Variants in MTUS2 observed in about 807,000 individuals in gnomAD.
MTUS2 encodes microtubule-associated tumor suppressor candidate 2.
Under a neutral mutation model 114.1 loss-of-function variants are expected in MTUS2, and 40 were observed. The ratio of observed to expected loss-of-function variants is 0.35; its 90% CI spans 0.27 to 0.46. The LOEUF (loss-of-function observed/expected upper bound fraction) is 0.46. Ranked by LOEUF, MTUS2 falls within the 20% of genes least tolerant of loss-of-function variation. The pLI is 1.00. For missense variants in MTUS2, 1,679 were observed against 1,705.4 expected (o/e 0.98, Z 0.27); for synonymous variants, 688 against 672.0 (o/e 1.02, Z -0.37).
At chr13:29,338,699 G>C (rs1279421949) in intron 7 of MTUS2, among the ~76,000 whole-genome samples, 4 of 152,152 alleles carry the variant, frequency 2.6e-5, no homozygotes, top group African/African-American at 9.7e-5. Flanking sequence ...GTGAGGTGTG[G>C]CTTGAATTTT....
At chr13:29,359,604 G>A in intron 8 of MTUS2, 131 bp downstream of exon 8, 1 of 1,028,184 alleles carries the variant, frequency 9.7e-7, no homozygotes, top group Non-Finnish European at 1.4e-6. Flanking sequence ...ATTTTCAGGA[G>A]TTCAGGCAGA....
intron 5 of MTUS2, among the ~76,000 whole-genome samples, chr13:29,181,997 T>C (rs1894026251): frequency 6.6e-6 from 1 of 152,212 alleles, no homozygotes; most frequent in Non-Finnish European, 1.5e-5. Flanking sequence ...ATTTACTCCA[T>C]TTTTCTCAGC....
chr13:29,100,096 A>G (rs1890344598), intron 4 of MTUS2, among the ~76,000 whole-genome samples: 3 of 152,204 alleles, frequency 2.0e-5, no homozygotes, highest in Admixed American at 2.0e-4. Flanking sequence ...TATAAGCAGT[A>G]ATATTTATAC....
chr13:29,101,021 C>T (rs906480432), intron 5 of MTUS2, 51 bp downstream of exon 5: 30 of 1,470,004 alleles, frequency 2.0e-5, no homozygotes, highest in Middle Eastern at 2.3e-4. Context: ...AAAACCGGCG[C>T]GCCTGTGTAA....
chr13:28,969,239 A>T (rs969131985), intron 2 of MTUS2, among the ~76,000 whole-genome samples: 11 of 152,028 alleles, frequency 7.2e-5, no homozygotes, highest in Non-Finnish European at 1.0e-4. Flanking sequence ...ACATGGTTGA[A>T]CTGTGTTGCC....
chr13:29,182,843 A>G (rs971154571), intron 5 of MTUS2, among the ~76,000 whole-genome samples: 9 of 152,158 alleles, frequency 5.9e-5, no homozygotes, highest in Non-Finnish European at 1.2e-4. Context: ...TCTGGGAACA[A>G]CCACTGTGGG....
Position 29,382,911 on chromosome 13 carries a change from A to G in MTUS2, c.3117+23438A>G, listed in dbSNP as rs1208766218. On this transcript the variant is annotated intron_variant, in intron 8 of 15. Coordinates refer to ENST00000612955, the MANE Select transcript of MTUS2 (RefSeq NM_001033602.4). ...AAAAAAAATAGGCTCAAATGAGAGA[A>G]ACCTGGCTGACTGAGGGACAGAGGA... 3.3e-5 allele frequency among the ~76,000 whole-genome samples: 5 copies of G among 152,172 alleles called. No homozygotes were observed. In the East Asian group the frequency reaches 9.6e-4, roughly 29 times the overall value.
chr13:28,836,880 A>G (rs1462876461), intron 1 of MTUS2, among the ~76,000 whole-genome samples: 2 of 152,228 alleles, frequency 1.3e-5, no homozygotes, highest in African/African-American at 4.8e-5. Flanking sequence ...GGACACCCAC[A>G]GAAGAGCTTC....
intron 1 of MTUS2, among the ~76,000 whole-genome samples, chr13:28,823,227 A>G (rs923162737): frequency 3.9e-5 from 6 of 152,278 alleles, no homozygotes; most frequent in Non-Finnish European, 8.8e-5. Flanking sequence ...CGAATTTTCA[A>G]CAGTAAGCAA....
At chr13:28,864,445 C>G (rs374812938) in intron 2 of MTUS2, among the ~76,000 whole-genome samples, 31 of 152,182 alleles carry the variant, frequency 2.0e-4, no homozygotes, top group African/African-American at 7.0e-4. Context: ...TTGAAATTCT[C>G]AGGCCTCCTG....
chr13:29,501,040 G>A, intron 14 of MTUS2, 57 bp from the exon 15 acceptor site: 8 of 1,443,984 alleles, frequency 5.5e-6, no homozygotes, highest in Non-Finnish European at 7.8e-6. Flanking sequence ...GAGGGCACCG[G>A]TTTACTCCCG....
chr13:28,937,912 A>T (rs1304353959), intron 2 of MTUS2, among the ~76,000 whole-genome samples: 4 of 151,832 alleles, frequency 2.6e-5, no homozygotes. Context: ...TGGTACCCTC[A>T]CTCCTTTAAA....
At chr13:28,920,991 C>T (rs141230177) in intron 2 of MTUS2, among the ~76,000 whole-genome samples, 214 of 152,348 alleles carry the variant, frequency 1.4e-3, no homozygotes, top group African/African-American at 4.4e-3. Context: ...AAATGCTGAC[C>T]AAGGGCCTAG....
At chr13:29,133,035 T>C (rs115524440) in intron 5 of MTUS2, among the ~76,000 whole-genome samples, 2 of 152,126 alleles carry the variant, frequency 1.3e-5, no homozygotes, top group African/African-American at 4.8e-5. Flanking sequence ...TTTGTGTTTT[T>C]TTTTTTCTTA....
intron 6 of MTUS2, 62 bp from the exon 7 acceptor site, chr13:29,324,551 G>GT (rs1900398943): frequency 1.6e-6 from 2 of 1,245,742 alleles, no homozygotes; most frequent in Non-Finnish European, 1.1e-6. Flanking sequence ...CACAACTTAT[G>GT]TTGCCATTTC....
At chr13:29,274,581 CATT>C (rs1897993556) in intron 5 of MTUS2, among the ~76,000 whole-genome samples, 1 of 152,114 alleles carries the variant, frequency 6.6e-6, no homozygotes, top group Non-Finnish European at 1.5e-5. Context: ...AGTGGTATCT[CATT>C]GTGGTTTTGA....
chr13:29,404,559 A>G (rs1874612464), intron 8 of MTUS2, among the ~76,000 whole-genome samples: 1 of 152,094 alleles, frequency 6.6e-6, no homozygotes, highest in African/African-American at 2.4e-5. Flanking sequence ...CACAGATACA[A>G]TTTTAACATT....
At chr13:29,113,058 G>A (rs1012121190) in intron 5 of MTUS2, among the ~76,000 whole-genome samples, 2 of 152,184 alleles carry the variant, frequency 1.3e-5, no homozygotes, top group Admixed American at 1.3e-4. Flanking sequence ...ATGGATTTTA[G>A]GGCCGTCTCC....
intron 8 of MTUS2, among the ~76,000 whole-genome samples, chr13:29,418,865 T>C (rs1875870918): frequency 6.6e-6 from 1 of 152,218 alleles, no homozygotes; most frequent in African/African-American, 2.4e-5. Flanking sequence ...CCATTCTCTC[T>C]CAGCTTTTGA....
Sources: allele counts gnomAD v4.1 joint callset (sites outside exome capture counted in the v4.1 genomes callset), GRCh38; gene constraint gnomAD v4.1.1; transcripts MANE v1.5; gene names NCBI Gene and HGNC (gene_info 2026-07-23, HGNC 2026-07-21).